The following SLC4A8 variants were observed in gnomAD, a reference collection of about 807,000 sequenced individuals.
SLC4A8 encodes the protein solute carrier family 4 member 8, also known as electroneutral sodium bicarbonate exchanger 1.
Under a neutral mutation model 125.0 loss-of-function variants are expected in SLC4A8, and 40 were observed. The observed-to-expected ratio is 0.32, with a 90% CI of 0.25 to 0.42. The LOEUF is 0.42. Among genes scored for constraint, SLC4A8 ranks in the 10% least tolerant of loss-of-function variants. SLC4A8 has a pLI of 1.00. For missense variants in SLC4A8, 863 were observed against 1,355.1 expected, an observed-to-expected ratio of 0.64 and a Z score of 5.70; for synonymous variants, 456 against 476.0, an observed-to-expected ratio of 0.96 and a Z score of 0.55.
chr12:51,440,905 T>C (rs1194823852), intron 2 of SLC4A8, 116 bp downstream of exon 2: 14 of 1,012,286 alleles, frequency 1.4e-5, no homozygotes, highest in Non-Finnish European at 1.9e-5. Context: ...GGAAAATCAC[T>C]TGATTTCCTT....
intron 16 of SLC4A8, among the ~76,000 whole-genome samples, chr12:51,483,999 T>G (rs1951099378): frequency 6.6e-6 from 1 of 152,214 alleles, no homozygotes; most frequent in Admixed American, 6.5e-5. Flanking sequence ...TTTGGTTTTC[T>G]GTCCTTGTGA....
At chr12:51,442,450 C>A (rs1344628758) in intron 2 of SLC4A8, among the ~76,000 whole-genome samples, 1 of 152,170 alleles carries the variant, frequency 6.6e-6, no homozygotes. Flanking sequence ...GAATAAGAAA[C>A]CTGAGCAAGC....
chr12:51,420,336 A>G (rs1322629925), upstream of SLC4A8: 1 of 152,228 alleles, frequency 6.6e-6, no homozygotes, highest in Non-Finnish European at 1.5e-5. Context: ...CACATAGAAC[A>G]AGAGACAGAG....
chr12:51,438,021 TTAAG>T (rs888682741), intron 1 of SLC4A8, among the ~76,000 whole-genome samples: 2 of 152,230 alleles, frequency 1.3e-5, no homozygotes, highest in African/African-American at 4.8e-5. Context: ...CAAGTAATAT[TTAAG>T]TAATATTGTA....
intron 22 of SLC4A8, among the ~76,000 whole-genome samples, chr12:51,501,572 T>C (rs1203158361): frequency 6.6e-6 from 1 of 152,240 alleles, no homozygotes; most frequent in Non-Finnish European, 1.5e-5. Context: ...GGCACCTGGG[T>C]TGATTCCATT....
intron 24 of SLC4A8, among the ~76,000 whole-genome samples, chr12:51,506,530 G>A (rs1454960412): frequency 2.6e-5 from 4 of 152,006 alleles, no homozygotes; most frequent in African/African-American, 7.3e-5. Context: ...TGCCATCCGG[G>A]CTCAAGCAAT....
chr12:51,414,008 G>A (rs1209764782), intron 1 of SLC4A8, among the ~76,000 whole-genome samples: 1 of 152,084 alleles, frequency 6.6e-6, no homozygotes, highest in Non-Finnish European at 1.5e-5. Context: ...ATATTGTTTT[G>A]GGTAGTATGG....
At chr12:51,486,647 G>A (rs1363079654) in intron 17 of SLC4A8, among the ~76,000 whole-genome samples, 7 of 152,172 alleles carry the variant, frequency 4.6e-5, no homozygotes, top group Non-Finnish European at 7.3e-5. Flanking sequence ...AAATCTGTGC[G>A]TACTCAGTGA....
chr12:51,483,896 A>G (rs923564534), intron 16 of SLC4A8, among the ~76,000 whole-genome samples: 8 of 151,368 alleles, frequency 5.3e-5, no homozygotes, highest in Admixed American at 2.0e-4. Flanking sequence ...TGCTCCCCCC[A>G]CCCCACAACA....
intron 1 of SLC4A8, among the ~76,000 whole-genome samples, chr12:51,405,689 C>T (rs1044908541): frequency 2.6e-5 from 4 of 152,212 alleles, no homozygotes; most frequent in East Asian, 1.9e-4. Context: ...AGCTACCATG[C>T]CTGCAGGGCC....
At chr12:51,468,547 C>T (rs1194515934) in intron 11 of SLC4A8, among the ~76,000 whole-genome samples, 4 of 152,174 alleles carry the variant, frequency 2.6e-5, no homozygotes, top group African/African-American at 9.7e-5. Flanking sequence ...ATCATGAGGT[C>T]AGGAGGTCGA....
chr12:51,401,800 C>T (rs1948399094), intron 1 of SLC4A8, among the ~76,000 whole-genome samples: 1 of 152,172 alleles, frequency 6.6e-6, no homozygotes, highest in Non-Finnish European at 1.5e-5. Context: ...CCCTTCCCTT[C>T]CCAGCACTTC....
chr12:51,442,296 G>T (rs1342527562), intron 2 of SLC4A8, among the ~76,000 whole-genome samples: 1 of 152,146 alleles, frequency 6.6e-6, no homozygotes, highest in Admixed American at 6.5e-5. Flanking sequence ...CTTCTGTTCT[G>T]ATAATCATGT....
chr12:51,434,510 T>C (rs1160865528), intron 1 of SLC4A8, among the ~76,000 whole-genome samples: 4 of 152,234 alleles, frequency 2.6e-5, no homozygotes, highest in Non-Finnish European at 5.9e-5. Flanking sequence ...CTGTTTTCTT[T>C]GGCAAGACAA....
intron 1 of SLC4A8, among the ~76,000 whole-genome samples, chr12:51,439,666 G>A (rs1949533852): frequency 1.3e-5 from 2 of 152,142 alleles, no homozygotes; most frequent in Non-Finnish European, 2.9e-5. Flanking sequence ...AGCATGTAGG[G>A]AAGAGTGGAT....
At chr12:51,495,314 A>G (rs1951432361) in intron 21 of SLC4A8, among the ~76,000 whole-genome samples, 196 bp downstream of exon 21, 1 of 152,018 alleles carries the variant, frequency 6.6e-6, no homozygotes, top group Admixed American at 6.6e-5. Context: ...TGCACCTATT[A>G]AACACTAAAT....
intron 2 of SLC4A8, among the ~76,000 whole-genome samples, chr12:51,447,714 C>CT (rs1239053396): frequency 0.046 from 5,723 of 125,664 alleles, 257 homozygotes; most frequent in Middle Eastern, 0.11. Flanking sequence ...GGGATTTCCA[C>CT]TTTTTTTTTT....
intron 1 of SLC4A8, among the ~76,000 whole-genome samples, chr12:51,433,171 T>G (rs1306776283): frequency 6.6e-6 from 1 of 152,226 alleles, no homozygotes; most frequent in African/African-American, 2.4e-5. Context: ...GGTCTGCTAC[T>G]CAGTTATAAT....
chr12:51,456,864 T>C lies in SLC4A8; in HGVS notation c.575-487T>C, dbSNP rs560111259. 4.6e-5 allele frequency among the ~76,000 whole-genome samples: 7 copies of C among 152,366 alleles called. No individual in the cohort carries two copies. The South Asian group carries it at 1.4e-3, about 32-fold the overall frequency. Reference sequence around the variant, plus strand: ...TAACTTAATTTTTCTTATAGATTTCTCTTCTAAATAGCCCTTTGGAGTTCT... The same window carrying C: ...TAACTTAATTTTTCTTATAGATTTCCCTTCTAAATAGCCCTTTGGAGTTCT... On this transcript the variant is annotated intron_variant, in intron 5 of 24. Transcript: ENST00000453097.
Sources: allele counts gnomAD v4.1 joint callset (sites outside exome capture counted in the v4.1 genomes callset), GRCh38; gene constraint gnomAD v4.1.1; transcripts MANE v1.5; gene names NCBI Gene and HGNC (gene_info 2026-07-23, HGNC 2026-07-21).